Variants in KIF5C observed in about 807,000 individuals in gnomAD.
The protein encoded by KIF5C is kinesin family member 5C, also known as kinesin heavy chain isoform 5C.
Under a neutral mutation model 125.2 loss-of-function variants are expected in KIF5C, and 18 were observed. That is an observed-to-expected ratio of 0.14 (90% CI 0.10 to 0.21). The LOEUF (loss-of-function observed/expected upper bound fraction) is 0.21. Ranked by LOEUF, KIF5C falls within the 10% of genes least tolerant of loss-of-function variation. KIF5C has a pLI of 1.00. For synonymous variants in KIF5C, 405 were observed against 434.0 expected, an observed-to-expected ratio of 0.93 and a Z score of 0.83; for missense variants, 780 against 1,183.8, an observed-to-expected ratio of 0.66 and a Z score of 5.01.
intron 11 of KIF5C, among the ~76,000 whole-genome samples, chr2:148,969,309 G>T (rs1680834007): frequency 6.6e-6 from 1 of 152,006 alleles, no homozygotes; most frequent in African/African-American, 2.4e-5. Context: ...AGCCTTATAG[G>T]TATGCTTCAG....
intron 10 of KIF5C, among the ~76,000 whole-genome samples, chr2:148,956,645 C>T (rs552607657): frequency 1.6e-4 from 25 of 152,330 alleles, no homozygotes; most frequent in Non-Finnish European, 5.9e-5. Context: ...CTGATAATGG[C>T]ATCCTCACAA....
At chr2:148,972,020 C>T (rs571180174) in intron 11 of KIF5C, among the ~76,000 whole-genome samples, 15 of 152,204 alleles carry the variant, frequency 9.9e-5, no homozygotes, top group South Asian at 2.1e-4. Context: ...TTGCAACCTT[C>T]GCCTCTCGGG....
intron 16 of KIF5C, 67 bp downstream of exon 16, chr2:148,991,265 C>A: frequency 6.5e-7 from 1 of 1,540,606 alleles, no homozygotes. Context: ...CATGCCCTTG[C>A]TGGTGCTGAT....
At chr2:148,893,847 T>G (rs934951908) in intron 1 of KIF5C, among the ~76,000 whole-genome samples, 1 of 152,252 alleles carries the variant, frequency 6.6e-6, no homozygotes, top group African/African-American at 2.4e-5. Context: ...CGCTTCCACC[T>G]GAGGACTAAA....
intron 11 of KIF5C, among the ~76,000 whole-genome samples, chr2:148,972,084 A>G (rs1402816070): frequency 2.6e-5 from 4 of 152,076 alleles, no homozygotes; most frequent in Admixed American, 1.3e-4. Flanking sequence ...ACAGGTGTGC[A>G]CCACCACACC....
intron 23 of KIF5C, among the ~76,000 whole-genome samples, chr2:149,008,327 G>A (rs1682074808): frequency 6.6e-6 from 1 of 152,176 alleles, no homozygotes; most frequent in Admixed American, 6.5e-5. Context: ...AGAGGGAAGT[G>A]TTCAGAGGCC....
intron 1 of KIF5C, among the ~76,000 whole-genome samples, chr2:148,894,783 T>C (rs1260215047): frequency 6.6e-6 from 1 of 151,252 alleles, no homozygotes; most frequent in African/African-American, 2.4e-5. Flanking sequence ...TAGTTTCTTT[T>C]TACTTTTTTT....
At chr2:148,955,373 C>T (rs1682767793) in intron 10 of KIF5C, among the ~76,000 whole-genome samples, 1 of 152,128 alleles carries the variant, frequency 6.6e-6, no homozygotes, top group Non-Finnish European at 1.5e-5. Flanking sequence ...AGGCAGATTA[C>T]TCTCAATAAT....
intron 12 of KIF5C, among the ~76,000 whole-genome samples, chr2:148,977,483 C>T (rs909545954): frequency 1.4e-4 from 22 of 152,152 alleles, no homozygotes; most frequent in Non-Finnish European, 1.9e-4. Flanking sequence ...AACACAAAAT[C>T]GTTACTGGTA....
At chr2:148,937,844 A>G (rs889682621) in intron 4 of KIF5C, among the ~76,000 whole-genome samples, 9 of 152,238 alleles carry the variant, frequency 5.9e-5, no homozygotes, top group African/African-American at 2.2e-4. Flanking sequence ...TGCTCTGCAA[A>G]GGGGACATGC....
intron 15 of KIF5C, among the ~76,000 whole-genome samples, chr2:148,984,750 T>C (rs1323679248): frequency 6.6e-6 from 1 of 152,150 alleles, no homozygotes; most frequent in Non-Finnish European, 1.5e-5. Flanking sequence ...GATGAATCCC[T>C]TGGGGTTGTA....
At chr2:148,909,470 G>C (rs751950190) in intron 1 of KIF5C, among the ~76,000 whole-genome samples, 12 of 152,236 alleles carry the variant, frequency 7.9e-5, no homozygotes, top group Non-Finnish European at 1.6e-4. Flanking sequence ...GCTTCGTAAA[G>C]ACAAGGAAAC....
At position 148,950,373 on chromosome 2, in the gene KIF5C, T is replaced by C; in HGVS notation, c.879T>C (p.Gly293=). Residue 293 remains glycine (G), a synonymous_variant, in exon 10 of 26, where the codon GGT becomes GGC. Coordinates refer to ENST00000435030, the MANE Select transcript of KIF5C (RefSeq NM_004522.3). The stretch of plus-strand genomic sequence containing the variant: ...CTCGGATTCTTCAGGACTCTTTGGG[T>C]GGGAACTGCAGAACCACCATCGTCA... ...KMTRILQDSL[G]GNCRTTIVIC... is the part of the protein sequence containing the mutation. 6.2e-7 allele frequency: 1 copy of C among 1,613,976 alleles called. No homozygotes were observed. The highest frequency in any genetic ancestry group is 8.5e-7 in the Non-Finnish European group (1 of 1,179,880).
chr2:148,882,168 G>A (rs564208696), intron 1 of KIF5C, among the ~76,000 whole-genome samples: 103 of 152,306 alleles, frequency 6.8e-4, no homozygotes, highest in African/African-American at 2.3e-3. Context: ...CCGAACCTGA[G>A]GGTGAGTCAG....
chr2:149,011,641 G>C lies in KIF5C; in HGVS notation c.2839G>C (p.Gly947Arg). 6.2e-7 allele frequency: 1 copy of C among 1,614,084 alleles called. No individual in the cohort carries two copies. Among genetic ancestry groups the C allele is most frequent in the Non-Finnish European group, 8.5e-7 (1 of 1,179,912 alleles). Residue 947 changes from glycine (G) to arginine (R), a missense_variant, in exon 25 of 26, where the codon GGC (glycine) becomes CGC (arginine). Around this residue, in one of 2 missense-constraint regions of KIF5C, gnomAD observed 573 missense variants for 742.6 expected, o/e 0.77. Transcript: ENST00000435030. ...CGTCCATGCCATTCGAGGGGGAGGAGGCAGCTCTTCAAATTCCACTCACTA... is the reference window on the plus strand; with the variant it reads ...CGTCCATGCCATTCGAGGGGGAGGACGCAGCTCTTCAAATTCCACTCACTA... Reference protein sequence around the residue: ...TAVHAIRGGGGSSSNSTHYQK With the variant: ...TAVHAIRGGGRSSSNSTHYQK
At chr2:148,953,922 G>A (rs536402159) in intron 10 of KIF5C, among the ~76,000 whole-genome samples, 81 of 152,116 alleles carry the variant, frequency 5.3e-4, no homozygotes, top group Non-Finnish European at 1.1e-3. Context: ...GGATACATGG[G>A]CAGAACATGC....
At chr2:148,925,850 G>T (rs1681971525) in intron 2 of KIF5C, among the ~76,000 whole-genome samples, 1 of 152,234 alleles carries the variant, frequency 6.6e-6, no homozygotes, top group Non-Finnish European at 1.5e-5. Flanking sequence ...CAGTGATGAG[G>T]TGCGTTTCCA....
intron 24 of KIF5C, among the ~76,000 whole-genome samples, chr2:149,010,648 G>A (rs1430649396): frequency 6.6e-6 from 1 of 152,250 alleles, no homozygotes; most frequent in Admixed American, 6.5e-5. Context: ...CTATAAATGG[G>A]TACACTCTTA....
chr2:148,963,381 C>T (rs61456026), intron 11 of KIF5C, among the ~76,000 whole-genome samples: 17,047 of 152,062 alleles, frequency 0.11, 1,297 homozygotes, highest in African/African-American at 0.2. Context: ...TGTGATTACA[C>T]GTTTGCCACT....
Sources: allele counts gnomAD v4.1 joint callset (sites outside exome capture counted in the v4.1 genomes callset), GRCh38; gene constraint gnomAD v4.1.1; regional missense constraint gnomAD v4.1.1; transcripts MANE v1.5; gene names NCBI Gene and HGNC (gene_info 2026-07-23, HGNC 2026-07-21).